The following IL1RAPL1 variants were observed in gnomAD, a reference collection of about 807,000 sequenced individuals.
IL1RAPL1 encodes the protein interleukin 1 receptor accessory protein like 1.
Under a neutral mutation model 48.4 loss-of-function variants are expected in IL1RAPL1, and 3 were observed. The observed-to-expected ratio is 0.06, with a 90% CI of 0.03 to 0.16. The LOEUF (loss-of-function observed/expected upper bound fraction) is 0.16, where lower values mean the gene tolerates loss of function less well. Ranked by LOEUF, IL1RAPL1 falls within the 10% of genes least tolerant of loss-of-function variation. The pLI is 1.00. For synonymous variants in IL1RAPL1, 185 were observed against 187.7 expected (o/e 0.99, Z 0.12); for missense variants, 349 against 530.6 (o/e 0.66, Z 3.36).
intron 2 of IL1RAPL1, among the ~76,000 whole-genome samples, chrX:29,179,077 T>A (rs1437555656): frequency 1.8e-5 from 2 of 111,567 alleles, no homozygotes; most frequent in African/African-American, 3.3e-5. Flanking sequence ...TTGGCAATGC[T>A]GGCTCTTTTT....
intron 8 of IL1RAPL1, among the ~76,000 whole-genome samples, chrX:29,922,120 G>T (rs1672751716): frequency 9.0e-6 from 1 of 110,846 alleles, no homozygotes; most frequent in African/African-American, 3.3e-5. Context: ...GGAGGAAAAT[G>T]AATTATATCT....
intron 2 of IL1RAPL1, among the ~76,000 whole-genome samples, chrX:29,043,092 C>G (rs1056720677): frequency 2.7e-5 from 3 of 111,445 alleles, no homozygotes; most frequent in Non-Finnish European, 5.7e-5. Flanking sequence ...TAAGGCAGTT[C>G]CATCTGAGGC....
intron 6 of IL1RAPL1, among the ~76,000 whole-genome samples, chrX:29,739,585 T>C (rs1928142797): frequency 8.9e-6 from 1 of 111,917 alleles, no homozygotes; most frequent in Admixed American, 9.5e-5. Flanking sequence ...TTTGTTTGCA[T>C]ATTTAATTGT....
intron 5 of IL1RAPL1, among the ~76,000 whole-genome samples, chrX:29,449,618 G>A (rs1934651918): frequency 9.1e-6 from 1 of 109,663 alleles, no homozygotes; most frequent in Non-Finnish European, 1.9e-5. Flanking sequence ...TATTGGGCAC[G>A]CTGAGTAAAG....
chrX:28,671,615 T>G, intron 1 of IL1RAPL1, among the ~76,000 whole-genome samples: 1 of 112,037 alleles, frequency 8.9e-6, no homozygotes, highest in Non-Finnish European at 1.9e-5. Context: ...GCAAAGAAAT[T>G]TATTTTGGCC....
chrX:29,489,471 CA>C (rs1935132976), intron 5 of IL1RAPL1, among the ~76,000 whole-genome samples: 1 of 111,816 alleles, frequency 8.9e-6, no homozygotes, highest in Non-Finnish European at 1.9e-5. Context: ...AAATGTCATA[CA>C]CAAAAATTAT....
chrX:29,909,149 A>G (rs910891966), intron 6 of IL1RAPL1, among the ~76,000 whole-genome samples: 2 of 111,395 alleles, frequency 1.8e-5, no homozygotes, highest in Non-Finnish European at 3.8e-5. Context: ...CCAAGGTGGG[A>G]GGATTACTTA....
At chrX:29,748,337 G>A (rs1223556336) in intron 6 of IL1RAPL1, among the ~76,000 whole-genome samples, 1 of 112,185 alleles carries the variant, frequency 8.9e-6, no homozygotes, top group East Asian at 2.8e-4. Context: ...TAGTAAGAAG[G>A]CTGGATGTGA....
At chrX:28,829,709 G>A (rs1017915998) in intron 2 of IL1RAPL1, among the ~76,000 whole-genome samples, 1 of 109,165 alleles carries the variant, frequency 9.2e-6, no homozygotes. Context: ...ACAGGCACCC[G>A]CCACCATGCC....
intron 5 of IL1RAPL1, among the ~76,000 whole-genome samples, chrX:29,418,404 G>A (rs1228328509): frequency 9.2e-6 from 1 of 108,928 alleles, no homozygotes; most frequent in Non-Finnish European, 1.9e-5. Context: ...GGGATTACAG[G>A]CGTGAGCCAC....
chrX:29,112,010 AC>A (rs754002134), intron 2 of IL1RAPL1, among the ~76,000 whole-genome samples: 3 of 101,596 alleles, frequency 3.0e-5, no homozygotes, highest in African/African-American at 7.3e-5. Flanking sequence ...GCTTACTGCA[AC>A]CTCCATCTCT....
chrX:28,828,250 A>G (rs1920984337), intron 2 of IL1RAPL1, among the ~76,000 whole-genome samples: 1 of 112,026 alleles, frequency 8.9e-6, no homozygotes, highest in South Asian at 3.6e-4. Flanking sequence ...ATGAAGTCCC[A>G]TCTCAGTGAA....
At chrX:29,006,902 A>G (rs1179530814) in intron 2 of IL1RAPL1, among the ~76,000 whole-genome samples, 1 of 110,907 alleles carries the variant, frequency 9.0e-6, no homozygotes, top group Non-Finnish European at 1.9e-5. Context: ...AATAAAATAT[A>G]TAGCAAGCAT....
chrX:28,678,017 C>T (rs1369021652), intron 1 of IL1RAPL1, among the ~76,000 whole-genome samples: 1 of 110,731 alleles, frequency 9.0e-6, no homozygotes, highest in Non-Finnish European at 1.9e-5. Context: ...TCTGACTGCT[C>T]GCCAGTCAGA....
chrX:29,802,799 ATATATATATATG>A (rs1569172780), intron 6 of IL1RAPL1, among the ~76,000 whole-genome samples: 31 of 48,198 alleles, frequency 6.4e-4, no homozygotes, highest in African/African-American at 3.4e-3. Context: ...GTGTATATAT[ATATATATATATG>A]TGTGTATATA....
In IL1RAPL1 at chrX:29,734,459, G is replaced by A. The variant is rs748611568; in HGVS notation, c.778+65955G>A. On this transcript the variant is annotated intron_variant, in intron 6 of 10. Coordinates refer to ENST00000378993, the MANE Select transcript of IL1RAPL1 (RefSeq NM_014271.4). ...TCATGACCAGACACCAGGACAGGAC[G>A]CGGTACAGAGCAATCCACACTCCAG... Among the ~76,000 whole-genome samples the A allele has an allele frequency of 2.7e-5, 3 of 111,949 alleles. No individual in the cohort carries two copies. In the South Asian group the frequency reaches 1.1e-3, roughly 42 times the overall value.
intron 2 of IL1RAPL1, among the ~76,000 whole-genome samples, chrX:28,831,662 A>G (rs189393549): frequency 8.7e-4 from 97 of 110,902 alleles, no homozygotes; most frequent in Non-Finnish European, 1.7e-3. Flanking sequence ...AAAGTCAGCC[A>G]TTTTTCTTGA....
chrX:29,157,616 A>AG (rs1294658273), intron 2 of IL1RAPL1, among the ~76,000 whole-genome samples: 4 of 111,258 alleles, frequency 3.6e-5, no homozygotes, highest in Non-Finnish European at 7.5e-5. Flanking sequence ...GGTATAATTT[A>AG]GGGGGGATCT....
Position 29,757,329 on chromosome X carries a change from G to T in IL1RAPL1, c.778+88825G>T, listed in dbSNP as rs1427509875. On this transcript the variant is annotated intron_variant, in intron 6 of 10. Coordinates refer to ENST00000378993, the MANE Select transcript of IL1RAPL1 (RefSeq NM_014271.4). ...TCCGGCCATGCCAATAGAATTATTA[G>T]TTTTTGACATCCCAGCCAAATATTT... 5.4e-5 allele frequency among the ~76,000 whole-genome samples: 6 copies of T among 112,135 alleles called. No homozygotes were observed. The Admixed American group carries it at 5.7e-4, about 11-fold the overall frequency.
Sources: gnomAD v4.1 joint callset for allele counts (sites outside exome capture counted in the v4.1 genomes callset) on GRCh38, gnomAD v4.1.1 for gene constraint, MANE v1.5 for transcripts, NCBI Gene and HGNC (gene_info 2026-07-23, HGNC 2026-07-21) for gene names.